RIPK2: variants seen among roughly 807,000 people sequenced by gnomAD.
RIPK2 encodes the protein receptor interacting serine/threonine kinase 2, also known as receptor-interacting serine/threonine-protein kinase 2.
In RIPK2, 38 loss-of-function variants were observed where a neutral mutation model predicts 60.9. That is an observed-to-expected ratio of 0.62 (90% confidence interval 0.48 to 0.82). The LOEUF is 0.82. Among genes scored for constraint, RIPK2 ranks in the 40% least tolerant of loss-of-function variants. The pLI is 0.00. For synonymous variants in RIPK2, 225 were observed against 223.4 expected, an observed-to-expected ratio of 1.01 and a Z score of -0.06; for missense variants, 518 against 647.0, an observed-to-expected ratio of 0.80 and a Z score of 2.16.
chr8:89,758,307 C>CTAGA, intron 1 of RIPK2, 74 bp downstream of exon 1: 2 of 1,434,160 alleles, frequency 1.4e-6, no homozygotes, highest in East Asian at 5.2e-5. Context: ...CAAGCGGGCT[C>CTAGA]TAGAGCCCAA....
intron 9 of RIPK2, among the ~76,000 whole-genome samples, chr8:89,787,783 G>T (rs923558143): frequency 6.6e-6 from 1 of 152,126 alleles, no homozygotes; most frequent in Non-Finnish European, 1.5e-5. Flanking sequence ...ATTCTGGCTG[G>T]AATGTGTAGG....
intron 3 of RIPK2, among the ~76,000 whole-genome samples, chr8:89,769,265 C>T (rs1445246318): frequency 6.6e-6 from 1 of 151,782 alleles, no homozygotes; most frequent in Non-Finnish European, 1.5e-5. Flanking sequence ...ATAATAATTA[C>T]CTTTACAATT....
intron 10 of RIPK2, 104 bp downstream of exon 10, chr8:89,789,586 A>G: frequency 1.9e-6 from 2 of 1,072,732 alleles, no homozygotes; most frequent in Non-Finnish European, 1.4e-6. Context: ...TTTCCTCAAT[A>G]TGATAAATAC....
In RIPK2 at chr8:89,772,952, CTG is replaced by C; in HGVS notation, c.853+126_853+127del. The C allele has an allele frequency of 5.1e-6, 3 of 593,470 alleles. No homozygotes were observed. In the Admixed American group the frequency reaches 1.1e-4, roughly 22 times the overall value. The allele number at this position is 593,470 out of a possible 1,614,324, so 36.8% of individuals were successfully genotyped here. A position where few individuals can be genotyped will look rare whatever the true frequency, so the allele number is the denominator to read the frequency against. ...AGCTAGAAGTTGTTTAAATTATTTTCTGTCTTATCATAGCATTTATATATGAG... is the reference window on the plus strand; with the variant it reads ...AGCTAGAAGTTGTTTAAATTATTTTCTCTTATCATAGCATTTATATATGAG... On this transcript the variant is annotated intron_variant, in intron 6 of 10. Transcript: ENST00000220751.
At chr8:89,761,667 G>A (rs1809146651) in intron 1 of RIPK2, among the ~76,000 whole-genome samples, 1 of 151,076 alleles carries the variant, frequency 6.6e-6, no homozygotes, top group Admixed American at 6.6e-5. Context: ...TCAAGAGGCA[G>A]AGTAGGGAGG....
chr8:89,764,219 G>C (rs915036950), intron 2 of RIPK2, among the ~76,000 whole-genome samples: 2 of 152,152 alleles, frequency 1.3e-5, no homozygotes, highest in Admixed American at 6.6e-5. Flanking sequence ...ACAGGCCTCT[G>C]TGTATGCCAG....
intron 6 of RIPK2, among the ~76,000 whole-genome samples, chr8:89,777,437 C>A (rs1809416824): frequency 6.6e-6 from 1 of 152,130 alleles, no homozygotes; most frequent in African/African-American, 2.4e-5. Flanking sequence ...AAATATAATG[C>A]TGATGAACAA....
intron 3 of RIPK2, among the ~76,000 whole-genome samples, chr8:89,768,553 A>G (rs1020731606): frequency 2.6e-5 from 4 of 151,732 alleles, no homozygotes; most frequent in Admixed American, 6.6e-5. Flanking sequence ...TAAAAGTGCT[A>G]TTATACAGCC....
At chr8:89,786,147 T>G (rs1809583731) in intron 8 of RIPK2, among the ~76,000 whole-genome samples, 1 of 152,250 alleles carries the variant, frequency 6.6e-6, no homozygotes, top group Admixed American at 6.5e-5. Context: ...TATAGATGTA[T>G]GTGTTTCTTT....
intron 2 of RIPK2, among the ~76,000 whole-genome samples, chr8:89,765,023 C>T (rs1230310693): frequency 6.6e-6 from 1 of 151,976 alleles, no homozygotes; most frequent in Non-Finnish European, 1.5e-5. Context: ...AAGTATATGA[C>T]TCTGGCTATA....
At chr8:89,781,478 C>T (rs1809499816) in intron 7 of RIPK2, among the ~76,000 whole-genome samples, 1 of 151,788 alleles carries the variant, frequency 6.6e-6, no homozygotes, top group Non-Finnish European at 1.5e-5. Context: ...GCAGTCCTCC[C>T]ACCTCAGCAT....
At chr8:89,782,625 C>T (rs1366380231) in intron 7 of RIPK2, among the ~76,000 whole-genome samples, 3 of 148,886 alleles carry the variant, frequency 2.0e-5, no homozygotes, top group East Asian at 3.9e-4. Flanking sequence ...GGCAACATAC[C>T]AAGACCCTGT....
In RIPK2 at chr8:89,790,801, C is replaced by T; in HGVS notation, c.*385C>T. 6.3e-6 allele frequency: 1 copy of T among 159,638 alleles called. No homozygotes were observed. The allele number at this position is 159,638 out of a possible 1,614,324, so 9.9% of individuals were successfully genotyped here. On this transcript the variant is annotated 3_prime_UTR_variant, in exon 11 of 11. Coordinates refer to ENST00000220751, the MANE Select transcript of RIPK2 (RefSeq NM_003821.6). ...TATGAAGTATATACCCTTTACCCAC[C>T]AGAGACAGTACAGAATCCCTGCCCT...
At position 89,771,070 on chromosome 8, in the gene RIPK2, C is replaced by T. The variant is rs538561527; in HGVS notation, c.642-671C>T. 1.2e-4 allele frequency among the ~76,000 whole-genome samples: 18 copies of T among 151,672 alleles called. No individual in the cohort carries two copies. The East Asian group carries it at 3.5e-3, about 29-fold the overall frequency. On this transcript the variant is annotated intron_variant, in intron 4 of 10. Coordinates refer to ENST00000220751, the MANE Select transcript of RIPK2 (RefSeq NM_003821.6). ...CCAGTCATTCATTTTGTGAATTTTC[C>T]CTTTATGTTCAATTTCAATATTCTC...
intron 6 of RIPK2, 57 bp downstream of exon 6, chr8:89,772,885 T>C: frequency 8.4e-7 from 1 of 1,191,362 alleles, no homozygotes; most frequent in Non-Finnish European, 1.1e-6. Context: ...TAATATACTG[T>C]GAATAAAATA....
At chr8:89,773,969 A>G (rs1174109661) in intron 6 of RIPK2, among the ~76,000 whole-genome samples, 1 of 152,152 alleles carries the variant, frequency 6.6e-6, no homozygotes, top group Non-Finnish European at 1.5e-5. Context: ...AGTCCCAGGT[A>G]CTTAGGAGGC....
intron 8 of RIPK2, among the ~76,000 whole-genome samples, chr8:89,784,550 C>T (rs1457808938): frequency 1.3e-5 from 2 of 152,172 alleles, no homozygotes; most frequent in African/African-American, 2.4e-5. Flanking sequence ...AGCATTCAAT[C>T]AGACTTATAT....
Position 89,784,082 on chromosome 8 carries a change from T to C in RIPK2, c.972T>C (p.Cys324=). The C allele has an allele frequency of 6.4e-7, 1 of 1,574,796 alleles. No individual in the cohort carries two copies. Among genetic ancestry groups the C allele is most frequent in the Non-Finnish European group, 8.6e-7 (1 of 1,162,096 alleles). ...LQSVSSAIHL[C]DKKKMELSLN... ...GTGTTTCAAGTGCCATTCACCTATG[T>C]GACAAGAAGAAAATGGAATTATCTC... The change falls in exon 8 of 11, where the codon TGT becomes TGC. Residue 324 remains cysteine (C), a synonymous_variant. Transcript: ENST00000220751.
At chr8:89,784,863 G>A (rs573012341) in intron 8 of RIPK2, among the ~76,000 whole-genome samples, 6 of 152,298 alleles carry the variant, frequency 3.9e-5, no homozygotes, top group Admixed American at 2.6e-4. Flanking sequence ...ACCTTAGGCC[G>A]CTTGCACTCA....
Sources: allele counts gnomAD v4.1 joint callset (sites outside exome capture counted in the v4.1 genomes callset), GRCh38; gene constraint gnomAD v4.1.1; transcripts MANE v1.5; gene names NCBI Gene and HGNC (gene_info 2026-07-23, HGNC 2026-07-21).